The following FAM120B variants were observed in gnomAD, a reference collection of about 807,000 sequenced individuals.
FAM120B encodes constitutive coactivator of peroxisome proliferator-activated receptor gamma.
In FAM120B, 83 loss-of-function variants were observed where a neutral mutation model predicts 96.3. The observed-to-expected ratio is 0.86, with a 90% CI of 0.72 to 1.03. The LOEUF (loss-of-function observed/expected upper bound fraction) is 1.03, where lower values mean the gene tolerates loss of function less well. Among genes scored for constraint, FAM120B ranks in the 50% least tolerant of loss-of-function variants. The probability of loss-of-function intolerance (pLI) is 0.00; values close to 1 mark genes in which losing one functional copy is unlikely to be tolerated. For synonymous variants in FAM120B, 407 were observed against 402.7 expected (o/e 1.01, Z -0.13); for missense variants, 1,027 against 1,121.2 (o/e 0.92, Z 1.20).
Position 170,388,435 on chromosome 6 carries a change from A to G in FAM120B, c.2432A>G (p.His811Arg). ...PWNVFDGKLFHQKYLQSEKGY... is the reference protein window; with the variant it reads ...PWNVFDGKLFRQKYLQSEKGY... ...AATGTATTTGACGGGAAGCTTTTTCATCAGAAGTACTTGCAATCTGAAAAG... is the reference window on the plus strand; with the variant it reads ...AATGTATTTGACGGGAAGCTTTTTCGTCAGAAGTACTTGCAATCTGAAAAG... The change falls in exon 7 of 11, where the codon CAT becomes CGT. Residue 811 changes from histidine (H) to arginine (R), a missense_variant. Physicochemically the swap from His to Arg is conservative, Grantham distance 29. Around this residue, in one of 3 missense-constraint regions of FAM120B, gnomAD observed 5 missense variants for 17.9 expected, o/e 0.28. Transcript: ENST00000476287. 3 of 1,614,154 alleles carry G rather than the reference A, an allele frequency of 1.9e-6. No homozygotes were observed. Among genetic ancestry groups the G allele is most frequent in the Non-Finnish European group, 2.5e-6 (3 of 1,180,024 alleles).
intron 1 of FAM120B, among the ~76,000 whole-genome samples, chr6:170,315,070 A>G (rs1474579499): frequency 2.0e-5 from 3 of 152,112 alleles, no homozygotes; most frequent in Non-Finnish European, 4.4e-5. Flanking sequence ...CTCTGCTTCG[A>G]CTGTATTCAA....
Position 170,318,917 on chromosome 6 carries a change from C to G in FAM120B, c.1527C>G (p.Pro509=), listed in dbSNP as rs1213116919. 3 of 1,614,172 alleles carry G rather than the reference C, an allele frequency of 1.9e-6. No individual in the cohort carries two copies. The highest frequency in any genetic ancestry group is 1.7e-5 in the Admixed American group (1 of 60,026). Residue 509 remains proline (P), a synonymous_variant, in exon 2 of 11, where the codon CCC becomes CCG. Coordinates refer to ENST00000476287, the MANE Select transcript of FAM120B (RefSeq NM_032448.3). ...GCCATGAATCCAAACAGGAAGTTCC[C>G]ATATGTACAGATCCTATATCCAAGC... The part of the protein sequence containing the change: ...CTGHESKQEV[P]ICTDPISKQE...
rs1022868688 is a variant in FAM120B, at chr6:170,350,700, G to A, written c.2190+2377G>A. 4.6e-5 allele frequency among the ~76,000 whole-genome samples: 7 copies of A among 152,186 alleles called. 1 individual carries two copies. The highest frequency in any genetic ancestry group is 1.4e-4 in the African/African-American group (6 of 41,450). On this transcript the variant is annotated intron_variant, in intron 5 of 10. Coordinates refer to ENST00000476287, the MANE Select transcript of FAM120B (RefSeq NM_032448.3). Reference sequence around the variant, plus strand: ...GCCAGCAAATGGCAACAGCCCTACAGTAGAATGGCCTGTTAAAAGAAAAAC... The same window carrying A: ...GCCAGCAAATGGCAACAGCCCTACAATAGAATGGCCTGTTAAAAGAAAAAC...
In FAM120B at chr6:170,378,142, G is replaced by T. The variant is rs1789683852; in HGVS notation, c.2284-10145G>T. On this transcript the variant is annotated intron_variant, in intron 6 of 10. Coordinates refer to ENST00000476287, the MANE Select transcript of FAM120B (RefSeq NM_032448.3). ...ATTTCTGTCTGTGGAATTTTCCTTG[G>T]TTCACACACTGCAGACTTCCATCAG... Among the ~76,000 whole-genome samples, 3 of 152,162 alleles carry T rather than the reference G, an allele frequency of 2.0e-5. No homozygotes were observed. In the South Asian group the frequency reaches 6.2e-4, roughly 32 times the overall value.
intron 6 of FAM120B, among the ~76,000 whole-genome samples, chr6:170,365,902 G>T (rs553891539): frequency 6.6e-6 from 1 of 152,220 alleles, no homozygotes; most frequent in South Asian, 2.1e-4. Context: ...ATCACCATCG[G>T]GTGGGGTGGT....
chr6:170,406,053 A>T lies in FAM120B; in HGVS notation c.*1302A>T. On this transcript the variant is annotated 3_prime_UTR_variant, in exon 11 of 11. Coordinates refer to ENST00000476287, the MANE Select transcript of FAM120B (RefSeq NM_032448.3). Reference sequence around the variant, plus strand: ...AGTTCAGAGTAATCCTTTTCATGGAAGAATCTTCAGGTCACCAAAGAATTG... The same window carrying T: ...AGTTCAGAGTAATCCTTTTCATGGATGAATCTTCAGGTCACCAAAGAATTG... 1 of 152,278 alleles carries T rather than the reference A, an allele frequency of 6.6e-6. No individual in the cohort carries two copies. The highest frequency in any genetic ancestry group is 1.9e-4 in the East Asian group (1 of 5,202). The allele number at this position is 152,278 out of a possible 1,614,324, so 9.4% of individuals were successfully genotyped here. A position where few individuals can be genotyped will look rare whatever the true frequency, so the allele number is the denominator to read the frequency against.
At chr6:170,362,454 C>T (rs1788518503) in intron 6 of FAM120B, among the ~76,000 whole-genome samples, 1 of 152,190 alleles carries the variant, frequency 6.6e-6, no homozygotes, top group Non-Finnish European at 1.5e-5. Context: ...CTGCCACTCT[C>T]CCAGTGTTCT....
intron 1 of FAM120B, among the ~76,000 whole-genome samples, chr6:170,312,826 C>T (rs1230678751): frequency 6.6e-6 from 1 of 152,158 alleles, no homozygotes; most frequent in East Asian, 1.9e-4. Flanking sequence ...TGGGGATTTA[C>T]AACCAAGGAG....
upstream of FAM120B, among the ~76,000 whole-genome samples, chr6:170,303,380 C>T (rs1177463879): frequency 1.3e-5 from 2 of 152,164 alleles, no homozygotes; most frequent in Admixed American, 6.6e-5. Flanking sequence ...GCTGGGACTA[C>T]AGGTGCATGC....
chr6:170,389,315 T>A (rs1282365649), intron 7 of FAM120B, among the ~76,000 whole-genome samples: 1 of 152,198 alleles, frequency 6.6e-6, no homozygotes, highest in East Asian at 1.9e-4. Context: ...TTTCACTGCA[T>A]CCATCACATG....
chr6:170,371,511 A>T (rs1007853331), intron 6 of FAM120B, among the ~76,000 whole-genome samples: 1 of 152,116 alleles, frequency 6.6e-6, no homozygotes, highest in Non-Finnish European at 1.5e-5. Context: ...TGTTTTTTTG[A>T]TATGTACCTT....
chr6:170,315,861 C>T lies in FAM120B; in HGVS notation c.-21-1509C>T, dbSNP rs192113223. On this transcript the variant is annotated intron_variant, in intron 1 of 10. Coordinates refer to ENST00000476287, the MANE Select transcript of FAM120B (RefSeq NM_032448.3). ...CTTTGGGAGGCTGAGGCGAGAGGAT[C>T]GCTTGAGTTCGAGAGTTTGAGACCA... Among the ~76,000 whole-genome samples, 4 of 151,166 alleles carry T rather than the reference C, an allele frequency of 2.6e-5. No individual in the cohort carries two copies. In the East Asian group the frequency reaches 5.9e-4, roughly 22 times the overall value.
intron 4 of FAM120B, among the ~76,000 whole-genome samples, chr6:170,346,259 C>T (rs1373405804): frequency 1.3e-5 from 2 of 151,966 alleles, no homozygotes; most frequent in Non-Finnish European, 2.9e-5. Flanking sequence ...TGTCCATCTC[C>T]CTGCACGCTG....
intron 6 of FAM120B, among the ~76,000 whole-genome samples, chr6:170,367,672 A>G (rs2115234638): frequency 6.6e-6 from 1 of 152,316 alleles, no homozygotes; most frequent in East Asian, 1.9e-4. Context: ...GACAGTAATA[A>G]CCCCATGCGT....
At chr6:170,366,405 G>C (rs3734767) in intron 6 of FAM120B, among the ~76,000 whole-genome samples, 9,179 of 152,246 alleles carry the variant, frequency 0.06, 304 homozygotes, top group Non-Finnish European at 0.069. Context: ...GGGGGTGGCC[G>C]GGAAGGGGAA....
intron 4 of FAM120B, among the ~76,000 whole-genome samples, chr6:170,347,693 AT>A (rs199948445): frequency 4.6e-4 from 70 of 151,484 alleles, no homozygotes; most frequent in Middle Eastern, 6.9e-3. Context: ...AGGAAAATGC[AT>A]TTTTTTTTAC....
At chr6:170,354,563 C>A (rs1175047476) in intron 5 of FAM120B, among the ~76,000 whole-genome samples, 1 of 151,836 alleles carries the variant, frequency 6.6e-6, no homozygotes, top group Non-Finnish European at 1.5e-5. Flanking sequence ...AACAGATTTA[C>A]AAGAAAAAAA....
chr6:170,311,488 C>G (rs1056676984), intron 1 of FAM120B, among the ~76,000 whole-genome samples: 1 of 152,226 alleles, frequency 6.6e-6, no homozygotes, highest in Non-Finnish European at 1.5e-5. Flanking sequence ...AGATACCTTG[C>G]AGACCTTTAA....
chr6:170,330,851 C>A, intron 4 of FAM120B: 1 of 322,978 alleles, frequency 3.1e-6, no homozygotes, highest in Admixed American at 4.7e-5. Context: ...CCGTGGTCAG[C>A]GCATGTTGCT....
Sources: allele counts gnomAD v4.1 joint callset (sites outside exome capture counted in the v4.1 genomes callset), GRCh38; gene constraint gnomAD v4.1.1; regional missense constraint gnomAD v4.1.1; transcripts MANE v1.5; gene names NCBI Gene and HGNC (gene_info 2026-07-23, HGNC 2026-07-21).